The following MYO15B variants were observed in gnomAD, a reference collection of about 807,000 sequenced individuals.
MYO15B encodes myosin XVB, also known as myosin XVB pseudogene.
A neutral mutation model predicts 119.3 loss-of-function variants in MYO15B; 207 were observed. The ratio of observed to expected loss-of-function variants is 1.73; its 90% CI spans 1.55 to 1.95. The LOEUF is 1.95. Among genes scored for constraint, MYO15B ranks in the 30% most tolerant of loss-of-function variants. The pLI, the probability that MYO15B is intolerant of heterozygous loss-of-function variation, is 0.00. For missense variants in MYO15B, 2,264 were observed against 1,203.1 expected (o/e 1.88, Z -13.04); for synonymous variants, 966 against 498.9 (o/e 1.94, Z -12.48).
At chr17:75,610,258 A>G in exon 22 of MYO15B, 1 of 699,586 alleles carries the variant, frequency 1.4e-6, no homozygotes, top group East Asian at 2.7e-5. Context: ...CAGAGACTGC[A>G]GGTGCAGGGG....
In MYO15B at chr17:75,626,081, C is replaced by T; in HGVS notation, c.9073-7C>T. On this transcript the variant is annotated splice_polypyrimidine_tract_variant and splice_region_variant and intron_variant, in intron 62 of 63. Transcript: ENST00000645453. ...AGGAGACCAGCCCTGCTCTCTGCTG[C>T]CCCCAGAGCCTGTACTGCCGCATTG... is the stretch of plus-strand genomic sequence containing the variant. The T allele has an allele frequency of 1.4e-6, 1 of 701,886 alleles. No individual in the cohort carries two copies. The highest frequency in any genetic ancestry group is 1.7e-5 in the African/African-American group (1 of 57,306). 43.5% of individuals were successfully genotyped at this position (701,886 alleles called of 1,614,324 possible). A position where few individuals can be genotyped will look rare whatever the true frequency, so the allele number is the denominator to read the frequency against.
At chr17:75,626,753 T>G in exon 64 of MYO15B, 1 of 547,406 alleles carries the variant, frequency 1.8e-6, no homozygotes. Context: ...CTGAGGGAGA[T>G]GCCCACCCGA....
In MYO15B at chr17:75,613,276, C is replaced by T. The variant is rs531877953; in HGVS notation, c.4968-17C>T. ...TGGATCACCCTGCCTCCACTGCAGC[C>T]TGTGCCCGCCCTGCAGGTTCGTGTC... On this transcript the variant is annotated splice_polypyrimidine_tract_variant and intron_variant, in intron 27 of 63. Transcript: ENST00000645453. The T allele has an allele frequency of 2.7e-4, 178 of 668,206 alleles. No homozygotes were observed. In the African/African-American group the frequency reaches 3.0e-3, roughly 11 times the overall value. 41.4% of individuals were successfully genotyped at this position (668,206 alleles called of 1,614,324 possible).
chr17:75,589,833 T>G lies in MYO15B; in HGVS notation c.1776T>G (p.Ser592Arg). 2.5e-6 allele frequency: 1 copy of G among 398,006 alleles called. No homozygotes were observed. The highest frequency in any genetic ancestry group is 4.4e-6 in the Non-Finnish European group (1 of 225,788). 24.7% of individuals were successfully genotyped at this position (398,006 alleles called of 1,614,324 possible). A position where few individuals can be genotyped will look rare whatever the true frequency, so the allele number is the denominator to read the frequency against. The change falls in exon 1 of 64, where the codon AGT (serine) becomes AGG (arginine). Residue 592 changes from serine to arginine, a missense_variant. Coordinates refer to ENST00000645453, the Ensembl canonical transcript of MYO15B. The surrounding 1 kb of genome is among the most constrained non-coding windows in gnomAD (Gnocchi z 4.2). ...GGCACAGTGAGGGGTGCAGGACGAG[T>G]GGGGAAGGGGTGTCCGGGCTTCGTC...
At chr17:75,619,786 C>G (rs1007299974) in exon 46 of MYO15B, 7 of 702,760 alleles carry the variant, frequency 1.0e-5, no homozygotes, top group Admixed American at 2.0e-5. Context: ...GCTGAAGATT[C>G]TCTGCTCATA....
At chr17:75,592,618 G>A (rs960305942) in intron 8 of MYO15B, 61 bp from the exon 9 acceptor site, 31 of 650,982 alleles carry the variant, frequency 4.8e-5, no homozygotes, top group African/African-American at 8.9e-5. Context: ...AGGAGTAGCC[G>A]GAGTAGAGGG....
chr17:75,626,156 G>C, exon 63 of MYO15B: 1 of 703,070 alleles, frequency 1.4e-6, no homozygotes, highest in South Asian at 1.5e-5. Flanking sequence ...TGGAGGAGAA[G>C]GGGCCCCCTG....
chr17:75,602,565 G>A, exon 16 of MYO15B: 1 of 691,110 alleles, frequency 1.4e-6, no homozygotes. Flanking sequence ...CCCTGCTGTG[G>A]TGGAGATGCT....
chr17:75,602,473 C>T (rs994121638), intron 15 of MYO15B, 44 bp from the exon 16 acceptor site: 2 of 701,058 alleles, frequency 2.9e-6, no homozygotes, highest in Non-Finnish European at 5.2e-6. Context: ...TCCTGTTCTC[C>T]TCCCTTTCTC....
In MYO15B at chr17:75,623,777, A is replaced by ACAG. The variant is rs750988669; in HGVS notation, c.8083-2_8083dup. On this transcript the variant is annotated splice_polypyrimidine_tract_variant and splice_region_variant and intron_variant, in intron 53 of 63. Transcript: ENST00000645453. ...CACCCCACCTGCCCTTCCTGTCCCC[A>ACAG]CAGCTGTGCCAGCAGGAGAAGCTGA... 35 of 703,096 alleles carry ACAG rather than the reference A, an allele frequency of 5.0e-5. No homozygotes were observed. In the Middle Eastern group the frequency reaches 2.7e-3, roughly 55 times the overall value. The allele number at this position is 703,096 out of a possible 1,614,324, so 43.6% of individuals were successfully genotyped here. A position where few individuals can be genotyped will look rare whatever the true frequency, so the allele number is the denominator to read the frequency against.
chr17:75,619,150 G>A (rs924169615), exon 44 of MYO15B: 4 of 702,780 alleles, frequency 5.7e-6, no homozygotes, highest in East Asian at 5.4e-5. Context: ...CAGATCCTAC[G>A]GGACACCTTC....
At chr17:75,623,642 C>G (rs922556175) in intron 53 of MYO15B, 139 bp from the exon 54 acceptor site, 1 of 626,606 alleles carries the variant, frequency 1.6e-6, no homozygotes, top group South Asian at 1.8e-5. Context: ...AACTGAGTAG[C>G]CAGTGCAGTG....
In MYO15B at chr17:75,616,452, G is replaced by A; in HGVS notation, c.6244+6G>A. ...AGAAGTGGAAACAAGAGCAGGTTGT[G>A]GGGAGCTGGGCAGGGCCTGGGGCTC... On this transcript the variant is annotated splice_donor_region_variant and intron_variant, in intron 38 of 63. Coordinates refer to ENST00000645453, the Ensembl canonical transcript of MYO15B. 3.1e-6 allele frequency: 2 copies of A among 649,268 alleles called. No homozygotes were observed. Among genetic ancestry groups the A allele is most frequent in the East Asian group, 2.7e-5 (1 of 36,858 alleles). The allele number at this position is 649,268 out of a possible 1,614,324, so 40.2% of individuals were successfully genotyped here.
At chr17:75,602,148 C>G (rs1222408083) in intron 15 of MYO15B, among the ~76,000 whole-genome samples, 1 of 152,180 alleles carries the variant, frequency 6.6e-6, no homozygotes, top group Non-Finnish European at 1.5e-5. Context: ...AGAAAAACTA[C>G]AAACTACCCA....
rs2058260443 is a variant in MYO15B at position 75,614,755 on chromosome 17, C to T, written c.5483-18C>T. The stretch of plus-strand genomic sequence containing the variant: ...CCACGCCCCGGGCCATGGCTCCAAC[C>T]CTCTCCCTGCCCCACAGGGGAGGTC... On this transcript the variant is annotated intron_variant, in intron 31 of 63. Coordinates refer to ENST00000645453, the Ensembl canonical transcript of MYO15B. The T allele has an allele frequency of 1.4e-6, 1 of 702,832 alleles. No homozygotes were observed. The highest frequency in any genetic ancestry group is 2.6e-6 in the Non-Finnish European group (1 of 385,000). The allele number at this position is 702,832 out of a possible 1,614,324, so 43.5% of individuals were successfully genotyped here.
At chr17:75,617,471 T>C (rs542418894) in intron 41 of MYO15B, 167 bp downstream of exon 41, 1 of 551,698 alleles carries the variant, frequency 1.8e-6, no homozygotes, top group Non-Finnish European at 3.2e-6. Flanking sequence ...AGCTTCCGCG[T>C]TCCCACCCAG....
intron 39 of MYO15B, 36 bp from the exon 40 acceptor site, chr17:75,616,838 C>T (rs1350694623): frequency 1.4e-6 from 1 of 703,056 alleles, no homozygotes; most frequent in Non-Finnish European, 2.6e-6. Context: ...GGGGAATCAC[C>T]CTATGAACTT....
At chr17:75,615,290 G>A (rs940328140) in exon 34 of MYO15B, 1 of 702,652 alleles carries the variant, frequency 1.4e-6, no homozygotes, top group African/African-American at 1.7e-5. Context: ...CATGGTCCCT[G>A]CACCCATGCC....
chr17:75,611,562 C>CCT lies in MYO15B; in HGVS notation c.4447-37_4447-36dup, dbSNP rs767155899. ...GGGGAGGGACACTGGTCCCTAGGCC[C>CCT]CTCCTGTGGATCCTGGGTAAATGAG... On this transcript the variant is annotated intron_variant, in intron 23 of 63. Transcript: ENST00000645453. 21 of 702,328 alleles carry CCT rather than the reference C, an allele frequency of 3.0e-5. No individual in the cohort carries two copies. The African/African-American group carries it at 3.3e-4, about 11-fold the overall frequency. 43.5% of individuals were successfully genotyped at this position (702,328 alleles called of 1,614,324 possible).
Sources: gnomAD v4.1 joint callset for allele counts (sites outside exome capture counted in the v4.1 genomes callset) on GRCh38, gnomAD v4.1.1 for gene constraint, Gnocchi (gnomAD v3.1) non-coding constraint, MANE v1.5 for transcripts, NCBI Gene and HGNC (gene_info 2026-07-23, HGNC 2026-07-21) for gene names.